SEC24A: variants seen among roughly 807,000 people sequenced by gnomAD.
The protein encoded by SEC24A is protein transport protein Sec24A.
In SEC24A, 93 loss-of-function variants were observed where a neutral mutation model predicts 129.4. That is an observed-to-expected ratio of 0.72 (90% CI 0.61 to 0.85). SEC24A has a LOEUF of 0.85. Among genes scored for constraint, SEC24A ranks in the 40% least tolerant of loss-of-function variants. The pLI, the probability that SEC24A is intolerant of heterozygous loss-of-function variation, is 0.00. For missense variants in SEC24A, 1,264 were observed against 1,307.4 expected (o/e 0.97, Z 0.51); for synonymous variants, 460 against 467.3 (o/e 0.98, Z 0.20).
At chr5:134,693,064 A>T (rs1329758162) in intron 12 of SEC24A, 2 of 1,536,004 alleles carry the variant, frequency 1.3e-6, no homozygotes, top group Non-Finnish European at 1.7e-6. Flanking sequence ...AGAAACTCTT[A>T]TTACCTGCCT....
intron 15 of SEC24A, among the ~76,000 whole-genome samples, chr5:134,699,165 C>G (rs780803038): frequency 4.6e-5 from 7 of 151,754 alleles, no homozygotes; most frequent in African/African-American, 1.7e-4. Context: ...CGTGGGCTCA[C>G]GTGATCTTCC....
At chr5:134,704,377 T>G (rs562216679) in intron 16 of SEC24A, among the ~76,000 whole-genome samples, 2 of 152,148 alleles carry the variant, frequency 1.3e-5, no homozygotes, top group Non-Finnish European at 2.9e-5. Flanking sequence ...CCTTAAAATT[T>G]TCATTACCAA....
rs186071266 is a variant in SEC24A at position 134,653,364 on chromosome 5, G to A, written c.97+4191G>A. Among the ~76,000 whole-genome samples, 504 of 152,138 alleles carry A rather than the reference G, an allele frequency of 3.3e-3. 4 individuals carry two copies. The highest frequency in any genetic ancestry group is 0.024 in the Middle Eastern group (7 of 294). On this transcript the variant is annotated intron_variant, in intron 1 of 22. Transcript: ENST00000398844. ...CTCCTGGCTGAAGTGATCCTCCCACGTCAGCCTCCTGTGAAGCTAGGACTA... is the reference window on the plus strand; with the variant it reads ...CTCCTGGCTGAAGTGATCCTCCCACATCAGCCTCCTGTGAAGCTAGGACTA...
intron 2 of SEC24A, 55 bp downstream of exon 2, chr5:134,661,641 T>A: frequency 7.6e-7 from 1 of 1,324,292 alleles, no homozygotes; most frequent in Non-Finnish European, 1.1e-6. Context: ...TTTGCTTATT[T>A]AGATGTTTGA....
chr5:134,725,329 T>C lies in SEC24A; in HGVS notation c.*235T>C, dbSNP rs1752733574. 1 of 324,332 alleles carries C rather than the reference T, an allele frequency of 3.1e-6. No individual in the cohort carries two copies. Among genetic ancestry groups the C allele is most frequent in the South Asian group, 9.1e-5 (1 of 10,930 alleles). The allele number at this position is 324,332 out of a possible 1,614,324, so 20.1% of individuals were successfully genotyped here. On this transcript the variant is annotated 3_prime_UTR_variant, in exon 23 of 23. Coordinates refer to ENST00000398844, the MANE Select transcript of SEC24A (RefSeq NM_021982.3). ...ATATAGCTACGTATGATTGGATACT[T>C]TTTTCTTGCCAATTATGTTTGAGTT...
intron 1 of SEC24A, among the ~76,000 whole-genome samples, chr5:134,659,645 C>CTT (rs1173408628): frequency 2.7e-4 from 33 of 122,028 alleles, no homozygotes; most frequent in Non-Finnish European, 4.1e-4. Flanking sequence ...ACCTCATATT[C>CTT]TTTTTTTTTT....
At chr5:134,721,660 C>G (rs1752631373) in intron 21 of SEC24A, among the ~76,000 whole-genome samples, 1 of 151,762 alleles carries the variant, frequency 6.6e-6, no homozygotes, top group Non-Finnish European at 1.5e-5. Flanking sequence ...TCACTTGAGC[C>G]CTGGAGTTTG....
chr5:134,717,182 G>A (rs1752500743), intron 19 of SEC24A, among the ~76,000 whole-genome samples: 1 of 151,810 alleles, frequency 6.6e-6, no homozygotes, highest in Non-Finnish European at 1.5e-5. Flanking sequence ...GTGGCCTATT[G>A]CATTCTTTTT....
chr5:134,681,580 G>T (rs562324069), intron 8 of SEC24A, among the ~76,000 whole-genome samples: 1 of 152,042 alleles, frequency 6.6e-6, no homozygotes, highest in East Asian at 1.9e-4. Context: ...AAATTTTTAT[G>T]TGTAGGTGCT....
chr5:134,658,163 A>G (rs1750313922), intron 1 of SEC24A, among the ~76,000 whole-genome samples: 1 of 152,068 alleles, frequency 6.6e-6, no homozygotes, highest in Admixed American at 6.6e-5. Flanking sequence ...GCTACTCGAG[A>G]GGCTGAATGA....
chr5:134,712,950 G>C (rs1374346008), intron 18 of SEC24A, among the ~76,000 whole-genome samples: 1 of 25,438 alleles, frequency 3.9e-5, no homozygotes, highest in African/African-American at 2.6e-4. Flanking sequence ...TTTTTTTTTT[G>C]AGACAGAGTC....
chr5:134,705,128 A>G (rs1424535796), intron 16 of SEC24A, among the ~76,000 whole-genome samples, 199 bp from the exon 17 acceptor site: 2 of 144,344 alleles, frequency 1.4e-5, no homozygotes, highest in Non-Finnish European at 3.0e-5. Flanking sequence ...TTTTTAAGAG[A>G]TGGAGTCTCA....
At chr5:134,667,523 C>A (rs144401354) in intron 3 of SEC24A, among the ~76,000 whole-genome samples, 8 of 151,542 alleles carry the variant, frequency 5.3e-5, no homozygotes, top group Admixed American at 1.3e-4. Context: ...TGGTGGCAAG[C>A]GACTGTAGTA....
At chr5:134,665,903 T>A (rs1750643715) in intron 2 of SEC24A, among the ~76,000 whole-genome samples, 1 of 152,190 alleles carries the variant, frequency 6.6e-6, no homozygotes, top group African/African-American at 2.4e-5. Context: ...TATTACAAAA[T>A]TAATAACATT....
intron 6 of SEC24A, 30 bp from the exon 7 acceptor site, chr5:134,675,993 A>G: frequency 6.9e-7 from 1 of 1,449,952 alleles, no homozygotes. Context: ...TCATAGCAGC[A>G]ACTGATACAT....
At chr5:134,650,721 A>G (rs375668858) in intron 1 of SEC24A, among the ~76,000 whole-genome samples, 1 of 150,954 alleles carries the variant, frequency 6.6e-6, no homozygotes, top group Non-Finnish European at 1.5e-5. Context: ...TTAAAATATA[A>G]TTTTCATAGT....
intron 18 of SEC24A, among the ~76,000 whole-genome samples, chr5:134,713,405 T>C (rs527588212): frequency 2.0e-5 from 3 of 152,264 alleles, no homozygotes; most frequent in Admixed American, 2.0e-4. Flanking sequence ...TTACCTCCTG[T>C]ATTTTTCCTA....
At chr5:134,714,981 T>G (rs779610538) in intron 18 of SEC24A, 43 bp from the exon 19 acceptor site, 2 of 1,575,606 alleles carry the variant, frequency 1.3e-6, no homozygotes, top group Admixed American at 3.8e-5. Flanking sequence ...GATGTATTTT[T>G]AAAATATATT....
At chr5:134,651,196 A>G (rs1050523771) in intron 1 of SEC24A, among the ~76,000 whole-genome samples, 1 of 149,986 alleles carries the variant, frequency 6.7e-6, no homozygotes, top group Non-Finnish European at 1.5e-5. Flanking sequence ...GGCTCAAGCA[A>G]TCCTCACACC....
Sources: gnomAD v4.1 joint callset for allele counts (sites outside exome capture counted in the v4.1 genomes callset) on GRCh38, gnomAD v4.1.1 for gene constraint, MANE v1.5 for transcripts, NCBI Gene and HGNC (gene_info 2026-07-23, HGNC 2026-07-21) for gene names.